The following SLC22A11 variants were observed in gnomAD, a reference collection of about 807,000 sequenced individuals.
SLC22A11 encodes the protein organic anion transporter 4.
SLC22A11 carries 42 observed loss-of-function variants against 49.4 expected under a neutral mutation model. The ratio of observed to expected loss-of-function variants is 0.85; its 90% CI spans 0.66 to 1.10. The LOEUF (loss-of-function observed/expected upper bound fraction) is 1.10, where lower values mean the gene tolerates loss of function less well. SLC22A11 is among the 50% of genes least tolerant of loss of function. SLC22A11 has a pLI of 0.00. For missense variants in SLC22A11, 685 were observed against 731.6 expected, an observed-to-expected ratio of 0.94 and a Z score of 0.74; for synonymous variants, 304 against 315.8, an observed-to-expected ratio of 0.96 and a Z score of 0.40.
rs752368925 is a variant in SLC22A11, at chr11:64,567,777, G to A, written c.1237G>A (p.Gly413Ser). ...CCAGGCGGGTTCCCAGGCCATGGCC[G>A]GCCTCGCCATTCTAGCCAACATGCT... Reference protein sequence around the residue: ...TIQAGSQAMAGLAILANMLVP... With the variant: ...TIQAGSQAMASLAILANMLVP... Residue 413 changes from glycine (G) to serine (S), a missense_variant, in exon 7 of 10, where the codon GGC (glycine) becomes AGC (serine). By Grantham distance (56) the Gly-to-Ser change is moderately conservative. Coordinates refer to ENST00000301891, the MANE Select transcript of SLC22A11 (RefSeq NM_018484.4). 7 of 1,609,776 alleles carry A rather than the reference G, an allele frequency of 4.3e-6. No individual in the cohort carries two copies. Among genetic ancestry groups the A allele is most frequent in the Non-Finnish European group, 5.9e-6 (7 of 1,178,924 alleles).
intron 4 of SLC22A11, among the ~76,000 whole-genome samples, chr11:64,563,148 G>A (rs780380299): frequency 3.7e-4 from 56 of 152,132 alleles, no homozygotes; most frequent in African/African-American, 7.5e-4. Context: ...TGGAGCTTAC[G>A]TTTCATACAC....
At chr11:64,567,985 C>T (rs1012319312) in intron 7 of SLC22A11, among the ~76,000 whole-genome samples, 172 bp downstream of exon 7, 1 of 152,190 alleles carries the variant, frequency 6.6e-6, no homozygotes, top group South Asian at 2.1e-4. Context: ...CCTTTTATTG[C>T]TGAGGGTGGG....
chr11:64,570,566 T>C (rs1272089290), intron 9 of SLC22A11, among the ~76,000 whole-genome samples: 2 of 152,222 alleles, frequency 1.3e-5, no homozygotes, highest in Non-Finnish European at 2.9e-5. Context: ...CCTGGGTGAC[T>C]GTTCACAGGG....
At chr11:64,570,637 GT>G (rs1163203613) in intron 9 of SLC22A11, among the ~76,000 whole-genome samples, 1 of 152,094 alleles carries the variant, frequency 6.6e-6, no homozygotes, top group Admixed American at 6.5e-5. Flanking sequence ...AGTTCTTATT[GT>G]TTTATGTCAC....
At position 64,567,718 on chromosome 11, in the gene SLC22A11, C is replaced by A. The variant is rs1011489869; in HGVS notation, c.1178C>A (p.Ala393Asp). The A allele has an allele frequency of 8.1e-6, 13 of 1,613,832 alleles. No individual in the cohort carries two copies. The highest frequency in any genetic ancestry group is 1.1e-5 in the Non-Finnish European group (13 of 1,180,030). The change falls in exon 7 of 10, where the codon GCC becomes GAC. Residue 393 changes from alanine to aspartate, a missense_variant. Ala to Asp is a moderately radical substitution (Grantham distance 126). Coordinates refer to ENST00000301891, the MANE Select transcript of SLC22A11 (RefSeq NM_018484.4). ...GACTTCCTGGGCCGGGCCACCACTGCCCTCTTGCTCAGTTTCCTTGGCCGC... is the reference window on the plus strand; with the variant it reads ...GACTTCCTGGGCCGGGCCACCACTGACCTCTTGCTCAGTTTCCTTGGCCGC... ...AVDFLGRATT[A>D]LLLSFLGRRT...
At position 64,565,376 on chromosome 11, in the gene SLC22A11, G is replaced by T; in HGVS notation, c.1058+39G>T. On this transcript the variant is annotated intron_variant, in intron 6 of 9. Coordinates refer to ENST00000301891, the MANE Select transcript of SLC22A11 (RefSeq NM_018484.4). The surrounding 1 kb of genome is among the most constrained non-coding windows in gnomAD (Gnocchi z 4.1). ...GTGTCCCTCCCCAAGGCAGGGCTGG[G>T]ACAGGCAGGAGGCAGAGCTGGGACA... 6.6e-7 allele frequency: 1 copy of T among 1,516,330 alleles called. No homozygotes were observed. 93.9% of individuals were successfully genotyped at this position (1,516,330 alleles called of 1,614,324 possible).
chr11:64,562,561 G>C lies in SLC22A11; in HGVS notation c.821+126G>C, dbSNP rs1007948606. On this transcript the variant is annotated intron_variant, in intron 4 of 9. Transcript: ENST00000301891. The surrounding 1 kb of genome is among the most constrained non-coding windows in gnomAD (Gnocchi z 4.4). Reference sequence around the variant, plus strand: ...GCCACAGAAGGGCCATGGCATGAGCGGCACCCTCGCTAGGGAGGGACATTG... The same window carrying C: ...GCCACAGAAGGGCCATGGCATGAGCCGCACCCTCGCTAGGGAGGGACATTG... 139 of 1,042,786 alleles carry C rather than the reference G, an allele frequency of 1.3e-4. No individual in the cohort carries two copies. Among genetic ancestry groups the C allele is most frequent in the Non-Finnish European group, 1.6e-4 (118 of 740,758 alleles). 64.6% of individuals were successfully genotyped at this position (1,042,786 alleles called of 1,614,324 possible).
At chr11:64,560,952 T>C (rs2038535011) in intron 2 of SLC22A11, among the ~76,000 whole-genome samples, 1 of 152,184 alleles carries the variant, frequency 6.6e-6, no homozygotes, top group Non-Finnish European at 1.5e-5. Flanking sequence ...TCTTCCCTTC[T>C]CTGGGCCTCA....
At chr11:64,567,931 T>A in intron 7 of SLC22A11, 118 bp downstream of exon 7, 1 of 1,086,466 alleles carries the variant, frequency 9.2e-7, no homozygotes, top group Non-Finnish European at 1.3e-6. Context: ...GTTTTCTTTC[T>A]GAATGAGGGA....
chr11:64,559,075 C>T (rs1345142588), intron 1 of SLC22A11, 60 bp from the exon 2 acceptor site: 9 of 1,463,870 alleles, frequency 6.1e-6, no homozygotes, highest in South Asian at 4.5e-5. Context: ...GTTCCTCGGC[C>T]GTGCCCAGCC....
intron 9 of SLC22A11, among the ~76,000 whole-genome samples, 176 bp downstream of exon 9, chr11:64,570,034 C>T (rs552985157): frequency 6.6e-6 from 1 of 152,246 alleles, no homozygotes; most frequent in African/African-American, 2.4e-5. Flanking sequence ...CATACTATTA[C>T]TAGGGTCAGA....
rs762943343 is a variant in SLC22A11 at position 64,568,761 on chromosome 11, C to A, written c.1365C>A (p.Leu455=). Residue 455 remains leucine, a synonymous_variant, in exon 8 of 10, where the codon CTC becomes CTA. Coordinates refer to ENST00000301891, the MANE Select transcript of SLC22A11 (RefSeq NM_018484.4). ...GCCTCACCATCTACAAGGCTGAACT[C>A]TTTCCAACGCCAGTGCGGTAAGCTG... ...LTCLTIYKAE[L]FPTPVRMTAD... 11 of 1,613,984 alleles carry A rather than the reference C, an allele frequency of 6.8e-6. No individual in the cohort carries two copies. The Admixed American group carries it at 1.8e-4, about 27-fold the overall frequency.
At position 64,562,249 on chromosome 11, in the gene SLC22A11, C is replaced by A. The variant is rs770430913; in HGVS notation, c.653-18C>A. Reference sequence around the variant, plus strand: ...GCCGCCGCATGAGGCCTCACCTGCACGTGTCTGCATCCTTCAGTGGTGGAG... The same window carrying A: ...GCCGCCGCATGAGGCCTCACCTGCAAGTGTCTGCATCCTTCAGTGGTGGAG... On this transcript the variant is annotated intron_variant, in intron 3 of 9. Coordinates refer to ENST00000301891, the MANE Select transcript of SLC22A11 (RefSeq NM_018484.4). The surrounding 1 kb of genome is among the most constrained non-coding windows in gnomAD (Gnocchi z 4.4). 1.2e-6 allele frequency: 2 copies of A among 1,600,266 alleles called. No individual in the cohort carries two copies. The highest frequency in any genetic ancestry group is 1.1e-5 in the South Asian group (1 of 90,000).
chr11:64,570,671 C>G (rs1232091226), intron 9 of SLC22A11, among the ~76,000 whole-genome samples: 1 of 152,168 alleles, frequency 6.6e-6, no homozygotes, highest in Non-Finnish European at 1.5e-5. Flanking sequence ...ATACAACAAC[C>G]ACATGAGGTG....
At chr11:64,557,798 A>ATTTT (rs71049648) in intron 1 of SLC22A11, among the ~76,000 whole-genome samples, 1,424 of 133,340 alleles carry the variant, frequency 0.011, 46 homozygotes, top group African/African-American at 0.039. Context: ...TGCCCAGCTA[A>ATTTT]TTTTTTTTTT....
rs192792286 is a variant in SLC22A11 at position 64,561,139 on chromosome 11, C to T, written c.498-865C>T. Among the ~76,000 whole-genome samples the T allele has an allele frequency of 2.2e-3, 328 of 152,342 alleles. 1 individual carries two copies. Among genetic ancestry groups the T allele is most frequent in the Admixed American group, 5.4e-3 (83 of 15,302 alleles). Reference sequence around the variant, plus strand: ...ATGCAATCTCCGGTTCAGACTCAGCCGGCCTGGAGGCCACCGCAGCCCAGG... The same window carrying T: ...ATGCAATCTCCGGTTCAGACTCAGCTGGCCTGGAGGCCACCGCAGCCCAGG... On this transcript the variant is annotated intron_variant, in intron 2 of 9. Coordinates refer to ENST00000301891, the MANE Select transcript of SLC22A11 (RefSeq NM_018484.4).
intron 9 of SLC22A11, 98 bp from the exon 10 acceptor site, chr11:64,570,881 A>C (rs924977872): frequency 1.8e-6 from 2 of 1,139,578 alleles, no homozygotes; most frequent in Non-Finnish European, 1.3e-6. Flanking sequence ...AATGCCATAG[A>C]GTTTACCCCC....
rs200423488 is a variant in SLC22A11 at position 64,569,608 on chromosome 11, G to C, written c.1383-44G>C. The C allele has an allele frequency of 9.8e-4, 1,546 of 1,578,768 alleles. 11 individuals carry two copies. Among genetic ancestry groups the C allele is most frequent in the Middle Eastern group, 4.6e-3 (23 of 4,982 alleles). ...GAGCCCAGGATGTCTTCCTGCCACA[G>C]GGCCAGCTGTTACAGGGATCTGGGC... On this transcript the variant is annotated intron_variant, in intron 8 of 9. Transcript: ENST00000301891.
intron 4 of SLC22A11, among the ~76,000 whole-genome samples, chr11:64,563,369 C>T (rs969481179): frequency 4.0e-5 from 6 of 151,896 alleles, no homozygotes; most frequent in African/African-American, 9.7e-5. Flanking sequence ...CACACACAGC[C>T]GGTGAATGCC....
Sources: gnomAD v4.1 joint callset for allele counts (sites outside exome capture counted in the v4.1 genomes callset) on GRCh38, gnomAD v4.1.1 for gene constraint, Gnocchi (gnomAD v3.1) non-coding constraint, MANE v1.5 for transcripts, NCBI Gene and HGNC (gene_info 2026-07-23, HGNC 2026-07-21) for gene names.